Variants in SPOCK3 observed in about 807,000 individuals in gnomAD.
SPOCK3 encodes the protein testican-3.
In SPOCK3, 30 loss-of-function variants were observed where a neutral mutation model predicts 56.6. The observed-to-expected ratio is 0.53, with a 90% CI of 0.40 to 0.72. The LOEUF (loss-of-function observed/expected upper bound fraction) is 0.72. SPOCK3 is among the 30% of genes least tolerant of loss of function. The pLI, the probability that SPOCK3 is intolerant of heterozygous loss-of-function variation, is 0.00. For synonymous variants in SPOCK3, 196 were observed against 183.3 expected (o/e 1.07, Z -0.56); for missense variants, 527 against 530.0 (o/e 0.99, Z 0.06).
intron 7 of SPOCK3, among the ~76,000 whole-genome samples, chr4:166,767,927 C>A (rs1262279711): frequency 1.3e-5 from 2 of 152,058 alleles, no homozygotes; most frequent in Non-Finnish European, 2.9e-5. Flanking sequence ...TGAATTGATG[C>A]CTTTACCATT....
intron 2 of SPOCK3, among the ~76,000 whole-genome samples, chr4:167,070,012 G>C (rs1436218421): frequency 6.6e-6 from 1 of 151,718 alleles, no homozygotes; most frequent in Non-Finnish European, 1.5e-5. Flanking sequence ...CCCCAATCTT[G>C]ACCCACTGGT....
intron 6 of SPOCK3, among the ~76,000 whole-genome samples, chr4:166,856,494 G>A (rs1241023704): frequency 4.0e-5 from 6 of 151,880 alleles, no homozygotes; most frequent in Admixed American, 3.3e-4. Flanking sequence ...ATATACAGTC[G>A]GCCAGGCACG....
intron 2 of SPOCK3, among the ~76,000 whole-genome samples, chr4:167,106,519 C>T (rs1228194497): frequency 6.6e-6 from 1 of 151,388 alleles, no homozygotes; most frequent in Non-Finnish European, 1.5e-5. Context: ...AATATAAGTG[C>T]CTACATCAAA....
chr4:166,995,865 G>T (rs1385447074), intron 4 of SPOCK3, among the ~76,000 whole-genome samples: 2 of 152,062 alleles, frequency 1.3e-5, no homozygotes, highest in Non-Finnish European at 2.9e-5. Flanking sequence ...ATTTTTAAAT[G>T]ATTATGATAA....
chr4:166,751,937 A>G (rs529696031), intron 8 of SPOCK3, among the ~76,000 whole-genome samples: 3 of 152,208 alleles, frequency 2.0e-5, no homozygotes, highest in Non-Finnish European at 2.9e-5. Flanking sequence ...AAAATTAGCC[A>G]TAGAAACAAA....
At chr4:167,102,922 G>GAAAA (rs55740507) in intron 2 of SPOCK3, among the ~76,000 whole-genome samples, 11 of 62,526 alleles carry the variant, frequency 1.8e-4, no homozygotes, top group African/African-American at 4.9e-4. Context: ...ATAGCTTGCA[G>GAAAA]AAAAAAAAAA....
At chr4:167,089,587 C>T (rs1311909833) in intron 2 of SPOCK3, among the ~76,000 whole-genome samples, 3 of 152,006 alleles carry the variant, frequency 2.0e-5, no homozygotes, top group Non-Finnish European at 4.4e-5. Context: ...TTTTTAACCC[C>T]ACAAATCAGA....
rs143527903 is a variant in SPOCK3 at position 167,156,973 on chromosome 4, C to T, written c.189+77012G>A. Among the ~76,000 whole-genome samples, 342 of 152,218 alleles carry T rather than the reference C, an allele frequency of 2.2e-3. 1 individual carries two copies. Among genetic ancestry groups the T allele is most frequent in the African/African-American group, 7.7e-3 (318 of 41,548 alleles). ...AAATATCATGATACTGAAACCTGAT[C>T]TGAAATTCTGACAGTAAATGCTGGA... is the stretch of plus-strand genomic sequence containing the variant. On this transcript the variant is annotated intron_variant, in intron 2 of 10. Coordinates refer to ENST00000357545, the MANE Select transcript of SPOCK3 (RefSeq NM_001040159.2).
intron 4 of SPOCK3, among the ~76,000 whole-genome samples, chr4:166,920,184 A>C (rs1738335069): frequency 6.6e-6 from 1 of 152,142 alleles, no homozygotes; most frequent in African/African-American, 2.4e-5. Context: ...TTTTAAACGT[A>C]ATGGAAAACC....
At chr4:167,072,312 T>C (rs1439855306) in intron 2 of SPOCK3, among the ~76,000 whole-genome samples, 1 of 152,016 alleles carries the variant, frequency 6.6e-6, no homozygotes, top group African/African-American at 2.4e-5. Context: ...TTTTTGTAAA[T>C]AAAGTTTTAT....
intron 4 of SPOCK3, among the ~76,000 whole-genome samples, chr4:166,970,430 CA>C (rs1253432266): frequency 2.6e-5 from 4 of 152,122 alleles, no homozygotes; most frequent in Non-Finnish European, 5.9e-5. Flanking sequence ...AACAAGATTT[CA>C]AAAACAGAGT....
At chr4:167,091,983 C>A (rs1758740951) in intron 2 of SPOCK3, among the ~76,000 whole-genome samples, 1 of 152,156 alleles carries the variant, frequency 6.6e-6, no homozygotes. Context: ...GCTCCTCCTT[C>A]CACCAGGGGT....
chr4:167,141,010 G>A (rs997495484), intron 2 of SPOCK3, among the ~76,000 whole-genome samples: 3 of 151,830 alleles, frequency 2.0e-5, no homozygotes, highest in Non-Finnish European at 2.9e-5. Flanking sequence ...AGCCTTCAGA[G>A]GGGGAGGAAA....
At chr4:166,985,091 T>C (rs1747004111) in intron 4 of SPOCK3, among the ~76,000 whole-genome samples, 1 of 152,134 alleles carries the variant, frequency 6.6e-6, no homozygotes, top group Non-Finnish European at 1.5e-5. Flanking sequence ...TCATTGATAA[T>C]TTCATTATTC....
At chr4:167,070,068 A>C (rs559621260) in intron 2 of SPOCK3, among the ~76,000 whole-genome samples, 6 of 152,006 alleles carry the variant, frequency 3.9e-5, no homozygotes, top group African/African-American at 1.4e-4. Flanking sequence ...CTGTTGAATT[A>C]TTTTTTCCAC....
At chr4:167,099,178 T>C (rs1759420421) in intron 2 of SPOCK3, among the ~76,000 whole-genome samples, 1 of 151,978 alleles carries the variant, frequency 6.6e-6, no homozygotes, top group Non-Finnish European at 1.5e-5. Context: ...AGTTAATATA[T>C]ACAATTATAT....
chr4:167,121,703 C>A (rs185588991), intron 2 of SPOCK3, among the ~76,000 whole-genome samples: 2 of 152,244 alleles, frequency 1.3e-5, no homozygotes, highest in East Asian at 3.9e-4. Flanking sequence ...CATCTACTAG[C>A]TCCCCATTTC....
At chr4:166,840,533 GT>G (rs1249257615) in intron 6 of SPOCK3, among the ~76,000 whole-genome samples, 1 of 152,010 alleles carries the variant, frequency 6.6e-6, no homozygotes, top group Non-Finnish European at 1.5e-5. Flanking sequence ...GGGCTTTCTA[GT>G]TTTTGGGTTT....
intron 3 of SPOCK3, among the ~76,000 whole-genome samples, chr4:167,007,986 T>C (rs1474793689): frequency 6.6e-6 from 1 of 152,082 alleles, no homozygotes; most frequent in Non-Finnish European, 1.5e-5. Context: ...TTTCTAAGTG[T>C]CAAAAGGAAA....
Sources: gnomAD v4.1 joint callset for allele counts (sites outside exome capture counted in the v4.1 genomes callset) on GRCh38, gnomAD v4.1.1 for gene constraint, MANE v1.5 for transcripts, NCBI Gene and HGNC (gene_info 2026-07-23, HGNC 2026-07-21) for gene names.